Variants in CNOT4 observed in about 807,000 individuals in gnomAD.
CNOT4 encodes the protein CCR4-associated factor 4.
CNOT4 carries 8 observed loss-of-function variants against 73.8 expected under a neutral mutation model. The ratio of observed to expected loss-of-function variants is 0.11; its 90% CI spans 0.06 to 0.20. CNOT4 has a LOEUF of 0.20. Among genes scored for constraint, CNOT4 ranks in the 10% least tolerant of loss-of-function variants. The pLI is 1.00. For synonymous variants in CNOT4, 293 were observed against 321.1 expected, an observed-to-expected ratio of 0.91 and a Z score of 0.94; for missense variants, 564 against 883.4, an observed-to-expected ratio of 0.64 and a Z score of 4.58.
chr7:135,388,392 T>C (rs1056792750), intron 10 of CNOT4: 5 of 984,364 alleles, frequency 5.1e-6, no homozygotes, highest in East Asian at 1.1e-4. Flanking sequence ...TCTTGTTAAT[T>C]TGCAAATTTT....
chr7:135,482,864 T>C (rs1161714532), intron 1 of CNOT4, among the ~76,000 whole-genome samples: 1 of 151,390 alleles, frequency 6.6e-6, no homozygotes, highest in Non-Finnish European at 1.5e-5. Flanking sequence ...TGGGTGCCTG[T>C]AATCCCAGCT....
chr7:135,436,771 T>C (rs1353265930), intron 2 of CNOT4, among the ~76,000 whole-genome samples: 4 of 152,020 alleles, frequency 2.6e-5, no homozygotes, highest in Non-Finnish European at 4.4e-5. Context: ...CTGGATTAAT[T>C]TTAAAAATCT....
intron 3 of CNOT4, among the ~76,000 whole-genome samples, chr7:135,418,563 G>T (rs187000353): frequency 2.0e-5 from 3 of 152,250 alleles, no homozygotes; most frequent in African/African-American, 7.2e-5. Flanking sequence ...TAAATGAATG[G>T]ATGGATGAAC....
At chr7:135,374,954 C>T (rs997137719) in intron 10 of CNOT4, among the ~76,000 whole-genome samples, 1 of 152,094 alleles carries the variant, frequency 6.6e-6, no homozygotes, top group African/African-American at 2.4e-5. Context: ...AAAAAAGTAA[C>T]ATTAAGACCA....
chr7:135,430,644 C>G (rs529438273), intron 2 of CNOT4, among the ~76,000 whole-genome samples: 1 of 151,946 alleles, frequency 6.6e-6, no homozygotes, highest in South Asian at 2.1e-4. Context: ...GACCCTATCG[C>G]TTTAAAAAAA....
intron 3 of CNOT4, among the ~76,000 whole-genome samples, chr7:135,418,625 C>G (rs1235662996): frequency 6.6e-6 from 1 of 152,166 alleles, no homozygotes; most frequent in Non-Finnish European, 1.5e-5. Flanking sequence ...TGTAAGACCA[C>G]GGACAAGTCA....
chr7:135,487,765 GCA>G (rs1416418456), intron 1 of CNOT4, among the ~76,000 whole-genome samples: 7 of 152,118 alleles, frequency 4.6e-5, no homozygotes, highest in Non-Finnish European at 8.8e-5. Context: ...TACTTTTCGA[GCA>G]CAGAGGCCAG....
chr7:135,495,755 AAAGAAAG>A (rs1342998351), intron 1 of CNOT4, among the ~76,000 whole-genome samples: 1 of 136,248 alleles, frequency 7.3e-6, no homozygotes, highest in African/African-American at 2.7e-5. Context: ...AGAAAGAAAG[AAAGAAAG>A]AAATTTAAGA....
chr7:135,394,194 A>G lies in CNOT4; in HGVS notation c.1351T>C (p.Ser451Pro). Residue 451 changes from serine (S) to proline (P), a missense_variant, in exon 10 of 12, where the codon TCT becomes CCT. Around this residue, in one of 10 missense-constraint regions of CNOT4, gnomAD observed 153 missense variants for 158.7 expected, o/e 0.96. Coordinates refer to ENST00000541284, the MANE Select transcript of CNOT4 (RefSeq NM_001190850.2). ...SHTTTAKGPG[S>P]GFLHPAAATN... is the part of the protein sequence containing the mutation. ...GCTGCAGCAGGATGCAGGAATCCAGAGCCTGGACCTTTGGCGGTTGTAGTG... is the reference window on the plus strand; with the variant it reads ...GCTGCAGCAGGATGCAGGAATCCAGGGCCTGGACCTTTGGCGGTTGTAGTG... 1 of 1,614,202 alleles carries G rather than the reference A, an allele frequency of 6.2e-7. No homozygotes were observed. The highest frequency in any genetic ancestry group is 1.3e-5 in the African/African-American group (1 of 75,064).
chr7:135,373,589 A>T (rs946730885), intron 10 of CNOT4, among the ~76,000 whole-genome samples: 1 of 152,010 alleles, frequency 6.6e-6, no homozygotes, highest in African/African-American at 2.4e-5. Context: ...TTTTATTTTT[A>T]TTTTTTGAAA....
chr7:135,474,610 G>C (rs992362295), intron 1 of CNOT4, among the ~76,000 whole-genome samples: 8 of 152,122 alleles, frequency 5.3e-5, no homozygotes, highest in African/African-American at 1.9e-4. Flanking sequence ...CTAGTGCAGT[G>C]CATAGTAGTC....
chr7:135,491,128 G>GC (rs1392687293), intron 1 of CNOT4, among the ~76,000 whole-genome samples: 2 of 152,202 alleles, frequency 1.3e-5, no homozygotes, highest in Admixed American at 6.5e-5. Flanking sequence ...GGAGGGAAAA[G>GC]CAAGAATTCC....
At position 135,418,975 on chromosome 7, in the gene CNOT4, TC is replaced by T. The variant is rs1475600741; in HGVS notation, c.372+3180del. Among the ~76,000 whole-genome samples, 9 of 151,890 alleles carry T rather than the reference TC, an allele frequency of 5.9e-5. No homozygotes were observed. The South Asian group carries it at 8.3e-4, about 14-fold the overall frequency. ...GCTTGTGTCTGGCTTGCTAACTACT[TC>T]CCCCCTACCCGCCCCCTGGCATCAA... On this transcript the variant is annotated intron_variant, in intron 3 of 11. Coordinates refer to ENST00000541284, the MANE Select transcript of CNOT4 (RefSeq NM_001190850.2).
At chr7:135,485,331 A>G (rs1802648668) in intron 1 of CNOT4, among the ~76,000 whole-genome samples, 1 of 152,122 alleles carries the variant, frequency 6.6e-6, no homozygotes, top group Admixed American at 6.5e-5. Flanking sequence ...CGGCCTCCCA[A>G]AGTGCTGGGA....
At chr7:135,462,478 G>T (rs1800936662) in intron 1 of CNOT4, among the ~76,000 whole-genome samples, 1 of 152,254 alleles carries the variant, frequency 6.6e-6, no homozygotes, top group African/African-American at 2.4e-5. Flanking sequence ...GGGATGAAAG[G>T]AATGAAATAA....
In CNOT4 at chr7:135,395,849, C is replaced by T; in HGVS notation, c.914G>A (p.Gly305Asp). 1.9e-6 allele frequency: 3 copies of T among 1,610,848 alleles called. No individual in the cohort carries two copies. The highest frequency in any genetic ancestry group is 2.5e-6 in the Non-Finnish European group (3 of 1,177,098). The change falls in exon 9 of 12, where the codon GGT becomes GAT. Residue 305 changes from glycine to aspartate, a missense_variant. Physicochemically the swap from Gly to Asp is moderately conservative, Grantham distance 94. Around this residue, in one of 10 missense-constraint regions of CNOT4, gnomAD observed 135 missense variants for 154.0 expected, o/e 0.88. Coordinates refer to ENST00000541284, the MANE Select transcript of CNOT4 (RefSeq NM_001190850.2). ...SNSDTPSPPP[G>D]LSKSNPVIPI... ...GATGACTGGATTGGATTTTGACAAACCAGGTGGTGGTGAAGGCGTATCACT... is the reference window on the plus strand; with the variant it reads ...GATGACTGGATTGGATTTTGACAAATCAGGTGGTGGTGAAGGCGTATCACT...
intron 7 of CNOT4, among the ~76,000 whole-genome samples, chr7:135,400,285 G>A (rs1796934016): frequency 6.6e-6 from 1 of 152,050 alleles, no homozygotes; most frequent in Non-Finnish European, 1.5e-5. Context: ...AGGCTCCATA[G>A]GCCACAGAAA....
At chr7:135,402,188 C>A (rs541378370) in intron 7 of CNOT4, among the ~76,000 whole-genome samples, 2 of 151,078 alleles carry the variant, frequency 1.3e-5, no homozygotes, top group East Asian at 3.9e-4. Flanking sequence ...TGGCTCACTG[C>A]AACCTCCACA....
intron 1 of CNOT4, among the ~76,000 whole-genome samples, chr7:135,495,758 GAA>G (rs1563083654): frequency 1.6e-5 from 2 of 123,312 alleles, no homozygotes; most frequent in Non-Finnish European, 3.4e-5. Flanking sequence ...AAGAAAGAAA[GAA>G]AGAAATTTAA....
Sources: allele counts gnomAD v4.1 joint callset (sites outside exome capture counted in the v4.1 genomes callset), GRCh38; gene constraint gnomAD v4.1.1; regional missense constraint gnomAD v4.1.1; transcripts MANE v1.5; gene names NCBI Gene and HGNC (gene_info 2026-07-23, HGNC 2026-07-21).